Variants in BNC2 observed in about 807,000 individuals in gnomAD.
BNC2 encodes the protein zinc finger protein basonuclin-2.
In BNC2, 20 loss-of-function variants were observed where a neutral mutation model predicts 76.3. The ratio of observed to expected loss-of-function variants is 0.26; its 90% confidence interval spans 0.18 to 0.38. The LOEUF (loss-of-function observed/expected upper bound fraction) is 0.38. BNC2 is among the 10% of genes least tolerant of loss of function. BNC2 has a pLI of 1.00. For synonymous variants in BNC2, 582 were observed against 514.8 expected (o/e 1.13, Z -1.77); for missense variants, 1,382 against 1,399.8 (o/e 0.99, Z 0.20).
chr9:16,425,234 A>G (rs1820781822), intron 6 of BNC2, among the ~76,000 whole-genome samples: 1 of 152,216 alleles, frequency 6.6e-6, no homozygotes, highest in African/African-American at 2.4e-5. Context: ...ATTCACTTGA[A>G]GATAAGCTCC....
chr9:16,502,225 G>T (rs1822534273), intron 5 of BNC2, among the ~76,000 whole-genome samples: 1 of 152,060 alleles, frequency 6.6e-6, no homozygotes, highest in Non-Finnish European at 1.5e-5. Flanking sequence ...TTAGCCAGAC[G>T]TGATGGCACA....
At chr9:16,646,025 C>T (rs1015515301) in intron 3 of BNC2, among the ~76,000 whole-genome samples, 6 of 152,184 alleles carry the variant, frequency 3.9e-5, no homozygotes, top group Non-Finnish European at 7.3e-5. Flanking sequence ...AAAAGGCCTT[C>T]GTATTGTTTC....
intron 1 of BNC2, among the ~76,000 whole-genome samples, chr9:16,828,439 C>CT (rs1818501570): frequency 6.6e-6 from 1 of 152,154 alleles, no homozygotes; most frequent in Non-Finnish European, 1.5e-5. Context: ...AATACTGTCT[C>CT]TTTAAGTTAC....
intron 1 of BNC2, among the ~76,000 whole-genome samples, chr9:16,739,723 A>C (rs1322425395): frequency 6.6e-6 from 1 of 152,220 alleles, no homozygotes; most frequent in Non-Finnish European, 1.5e-5. Flanking sequence ...GGCTGGAGAA[A>C]AAAAAAAGGA....
chr9:16,660,142 G>A (rs889686185), intron 3 of BNC2, among the ~76,000 whole-genome samples: 2 of 152,096 alleles, frequency 1.3e-5, no homozygotes, highest in East Asian at 3.9e-4. Flanking sequence ...ACAATGTCTT[G>A]GACTTCCCCT....
chr9:16,578,027 G>A (rs938198307), intron 4 of BNC2, among the ~76,000 whole-genome samples: 6 of 151,372 alleles, frequency 4.0e-5, no homozygotes, highest in Non-Finnish European at 8.8e-5. Context: ...AGGAAACAGT[G>A]GAATTAAAAA....
chr9:16,654,054 C>A (rs548363238), intron 3 of BNC2, among the ~76,000 whole-genome samples: 1 of 152,262 alleles, frequency 6.6e-6, no homozygotes, highest in Non-Finnish European at 1.5e-5. Flanking sequence ...GCGCAGTCTG[C>A]ACAGAGTGAT....
chr9:16,559,575 C>T (rs951015022), intron 4 of BNC2, among the ~76,000 whole-genome samples: 2 of 152,184 alleles, frequency 1.3e-5, no homozygotes, highest in African/African-American at 4.8e-5. Flanking sequence ...CAATATGAAA[C>T]CTGCAAGTCC....
At chr9:16,665,243 G>A (rs774306632) in intron 3 of BNC2, 62 of 367,454 alleles carry the variant, frequency 1.7e-4, no homozygotes, top group Non-Finnish European at 2.9e-4. Context: ...GGTGGTGCAT[G>A]CCTGTAATCC....
intron 3 of BNC2, among the ~76,000 whole-genome samples, chr9:16,679,326 T>C (rs908225551): frequency 4.6e-5 from 7 of 152,210 alleles, no homozygotes; most frequent in African/African-American, 1.7e-4. Context: ...CCACTTTTGA[T>C]ACAGTGATCC....
chr9:16,587,898 T>C (rs1234705766), intron 3 of BNC2, among the ~76,000 whole-genome samples: 1 of 152,214 alleles, frequency 6.6e-6, no homozygotes, highest in Non-Finnish European at 1.5e-5. Flanking sequence ...TAGACTTCTG[T>C]ATCATAATTG....
rs537811945 is a variant in BNC2 at position 16,465,497 on chromosome 9, T to C, written c.670-27973A>G. ...CCAGGCAACAAGGCAACAATCAATC[T>C]GAACAGATGCCAACATGCCATTACT... is the stretch of plus-strand genomic sequence containing the variant. On this transcript the variant is annotated intron_variant, in intron 5 of 6. Coordinates refer to ENST00000380672, the MANE Select transcript of BNC2 (RefSeq NM_017637.6). Among the ~76,000 whole-genome samples the C allele has an allele frequency of 2.7e-3, 406 of 148,280 alleles. 2 individuals are homozygous for C. Among genetic ancestry groups the C allele is most frequent in the African/African-American group, 9.7e-3 (390 of 40,200 alleles).
intron 3 of BNC2, among the ~76,000 whole-genome samples, chr9:16,610,935 G>A (rs1820528653): frequency 6.6e-6 from 1 of 152,114 alleles, no homozygotes; most frequent in African/African-American, 2.4e-5. Flanking sequence ...TAATAATACA[G>A]CTCCTGTAAT....
At chr9:16,774,263 G>A (rs1209206202) in intron 1 of BNC2, among the ~76,000 whole-genome samples, 3 of 152,156 alleles carry the variant, frequency 2.0e-5, no homozygotes, top group Non-Finnish European at 4.4e-5. Flanking sequence ...GATTACAGTC[G>A]TGAGCCACCG....
intron 1 of BNC2, among the ~76,000 whole-genome samples, chr9:16,861,313 C>T (rs1819405413): frequency 6.6e-6 from 1 of 151,468 alleles, no homozygotes; most frequent in African/African-American, 2.4e-5. Flanking sequence ...ATAATCATAC[C>T]ACTGCACTCC....
rs186759812 is a variant in BNC2, at chr9:16,657,608, G to C, written c.330+70189C>G. On this transcript the variant is annotated intron_variant, in intron 3 of 6. Coordinates refer to ENST00000380672, the MANE Select transcript of BNC2 (RefSeq NM_017637.6). ...AAACAGAGGTGTGACTTGGCCATCA[G>C]TAGGCTGAAGGGAATGTGCTTGGAC... is the stretch of plus-strand genomic sequence containing the variant. Among the ~76,000 whole-genome samples the C allele has an allele frequency of 3.3e-5, 5 of 152,334 alleles. No homozygotes were observed. In the East Asian group the frequency reaches 5.8e-4, roughly 18 times the overall value.
At chr9:16,717,587 T>A (rs1025998416) in intron 3 of BNC2, among the ~76,000 whole-genome samples, 1 of 152,166 alleles carries the variant, frequency 6.6e-6, no homozygotes, top group Non-Finnish European at 1.5e-5. Flanking sequence ...TGTAAAGCAG[T>A]TCTGGAAGAC....
chr9:16,508,079 G>C (rs1460012027), intron 5 of BNC2, among the ~76,000 whole-genome samples: 1 of 152,196 alleles, frequency 6.6e-6, no homozygotes, highest in African/African-American at 2.4e-5. Flanking sequence ...CAAGGAATTT[G>C]AAGTCTAGTG....
chr9:16,825,341 T>C (rs1318154192), intron 1 of BNC2, among the ~76,000 whole-genome samples: 2 of 152,172 alleles, frequency 1.3e-5, no homozygotes, highest in Admixed American at 1.3e-4. Flanking sequence ...GAAATCCCTA[T>C]TCTCCTCTTT....
Sources: allele counts gnomAD v4.1 joint callset (sites outside exome capture counted in the v4.1 genomes callset), GRCh38; gene constraint gnomAD v4.1.1; transcripts MANE v1.5; gene names NCBI Gene and HGNC (gene_info 2026-07-23, HGNC 2026-07-21).